TMTC2: variants seen among roughly 807,000 people sequenced by gnomAD.
TMTC2 encodes transmembrane O-mannosyltransferase targeting cadherins 2.
Under a neutral mutation model 82.4 loss-of-function variants are expected in TMTC2, and 43 were observed. The ratio of observed to expected loss-of-function variants is 0.52; its 90% CI spans 0.41 to 0.67. The LOEUF (loss-of-function observed/expected upper bound fraction) is 0.67. Among genes scored for constraint, TMTC2 ranks in the 30% least tolerant of loss-of-function variants. TMTC2 has a pLI of 0.00. For synonymous variants in TMTC2, 408 were observed against 381.9 expected, an observed-to-expected ratio of 1.07 and a Z score of -0.80; for missense variants, 919 against 1,012.4, an observed-to-expected ratio of 0.91 and a Z score of 1.25.
At chr12:82,723,728 G>T (rs1032708860) in intron 1 of TMTC2, among the ~76,000 whole-genome samples, 2 of 152,288 alleles carry the variant, frequency 1.3e-5, no homozygotes, top group African/African-American at 2.4e-5. Flanking sequence ...TAGATTTTCA[G>T]ATTTGGTATG....
rs78950373 is a variant in TMTC2, at chr12:83,009,359, T to C, written c.2071-21439T>C. ...AAGACTGTGGTCCTCAGGGTTTCTCTTTCTCCTGATAGTCTACCCTCAGCC... is the reference window on the plus strand; with the variant it reads ...AAGACTGTGGTCCTCAGGGTTTCTCCTTCTCCTGATAGTCTACCCTCAGCC... On this transcript the variant is annotated intron_variant, in intron 8 of 11. Transcript: ENST00000321196. Among the ~76,000 whole-genome samples the C allele has an allele frequency of 5.6e-4, 86 of 152,300 alleles. 1 individual carries two copies. The East Asian group carries it at 0.016, about 28-fold the overall frequency.
intron 11 of TMTC2, among the ~76,000 whole-genome samples, chr12:83,091,638 G>A (rs564720042): frequency 6.6e-6 from 1 of 152,216 alleles, no homozygotes; most frequent in African/African-American, 2.4e-5. Flanking sequence ...GGTAATAACA[G>A]GTATTTTCAT....
intron 8 of TMTC2, among the ~76,000 whole-genome samples, chr12:83,017,934 G>A (rs1592696687): frequency 1.4e-5 from 1 of 69,532 alleles, no homozygotes; most frequent in East Asian, 6.0e-4. Flanking sequence ...TCAGTACACT[G>A]GTAAATCATC....
chr12:82,939,221 G>C (rs937504330), intron 4 of TMTC2, among the ~76,000 whole-genome samples: 3 of 151,934 alleles, frequency 2.0e-5, no homozygotes, highest in Non-Finnish European at 4.4e-5. Flanking sequence ...ATTTTCTATT[G>C]TGTAGGCTTT....
intron 9 of TMTC2, among the ~76,000 whole-genome samples, chr12:83,031,234 G>A (rs1049374661): frequency 2.6e-5 from 4 of 152,026 alleles, no homozygotes; most frequent in East Asian, 1.9e-4. Context: ...AAGTGATAAC[G>A]TATTGCTCAT....
intron 8 of TMTC2, among the ~76,000 whole-genome samples, chr12:83,005,101 G>A (rs1032359488): frequency 2.0e-5 from 3 of 151,768 alleles, no homozygotes; most frequent in Non-Finnish European, 2.9e-5. Context: ...CTACTCCAGA[G>A]GCTGTGGCAG....
intron 1 of TMTC2, among the ~76,000 whole-genome samples, chr12:82,836,660 A>T (rs1393878911): frequency 6.6e-6 from 1 of 152,182 alleles, no homozygotes; most frequent in Non-Finnish European, 1.5e-5. Context: ...TAGAAATATA[A>T]TAAATTTGTG....
chr12:82,868,726 G>A (rs1396446319), intron 2 of TMTC2, among the ~76,000 whole-genome samples: 2 of 150,672 alleles, frequency 1.3e-5, no homozygotes, highest in Non-Finnish European at 3.0e-5. Flanking sequence ...AAAAAAAAAG[G>A]GAGGCACTAT....
chr12:83,017,370 A>C (rs1320772460), intron 8 of TMTC2, among the ~76,000 whole-genome samples: 1 of 152,226 alleles, frequency 6.6e-6, no homozygotes, highest in Non-Finnish European at 1.5e-5. Flanking sequence ...GGGCATAGAC[A>C]GAGCAGTTTC....
chr12:82,688,385 G>A (rs55783449), intron 1 of TMTC2, among the ~76,000 whole-genome samples: 1,543 of 152,224 alleles, frequency 0.01, 30 homozygotes, highest in African/African-American at 0.036. Flanking sequence ...AGAGACTGAA[G>A]TTGTCTTCTG....
At chr12:82,862,591 CTT>C (rs748857192) in intron 2 of TMTC2, among the ~76,000 whole-genome samples, 1 of 152,090 alleles carries the variant, frequency 6.6e-6, no homozygotes, top group Non-Finnish European at 1.5e-5. Context: ...TAGGTAATCT[CTT>C]TTTCTTAAAA....
intron 3 of TMTC2, among the ~76,000 whole-genome samples, chr12:82,909,153 G>C (rs181038965): frequency 6.6e-6 from 1 of 152,256 alleles, no homozygotes; most frequent in African/African-American, 2.4e-5. Flanking sequence ...TTTGTTGCTA[G>C]TTAAGTGATG....
At chr12:82,771,232 G>T (rs1057017304) in intron 1 of TMTC2, among the ~76,000 whole-genome samples, 2 of 148,234 alleles carry the variant, frequency 1.3e-5, no homozygotes, top group African/African-American at 2.5e-5. Context: ...AAAAGTTGTC[G>T]AATGCAAGCG....
intron 8 of TMTC2, among the ~76,000 whole-genome samples, chr12:82,994,705 T>C (rs547457713): frequency 2.1e-3 from 317 of 152,078 alleles, no homozygotes; most frequent in Non-Finnish European, 3.4e-3. Flanking sequence ...GAACTTTGTC[T>C]CTTTCTGTCT....
At chr12:83,100,241 C>A (rs181137710) in intron 11 of TMTC2, among the ~76,000 whole-genome samples, 1 of 152,032 alleles carries the variant, frequency 6.6e-6, no homozygotes. Flanking sequence ...TTTCAACCTG[C>A]GAGCACATCG....
chr12:83,070,309 C>T (rs138387185), intron 11 of TMTC2, among the ~76,000 whole-genome samples: 117 of 152,218 alleles, frequency 7.7e-4, no homozygotes, highest in Middle Eastern at 3.4e-3. Context: ...TGATTCTACC[C>T]ATCCATGAGC....
intron 11 of TMTC2, among the ~76,000 whole-genome samples, chr12:83,066,322 T>A (rs1882914074): frequency 6.6e-6 from 1 of 151,744 alleles, no homozygotes; most frequent in African/African-American, 2.4e-5. Context: ...TAAGTAAGGA[T>A]TTTAGCAAGA....
intron 11 of TMTC2, among the ~76,000 whole-genome samples, chr12:83,121,860 G>A (rs1317690343): frequency 6.6e-6 from 1 of 152,148 alleles, no homozygotes; most frequent in African/African-American, 2.4e-5. Flanking sequence ...GAGGTTCCCA[G>A]GTCAATGGAG....
chr12:82,927,672 T>C (rs961765384), intron 3 of TMTC2, among the ~76,000 whole-genome samples: 4 of 152,226 alleles, frequency 2.6e-5, no homozygotes, highest in Admixed American at 6.5e-5. Context: ...GACTTTATGT[T>C]GTCTTATTTT....
Sources: allele counts gnomAD v4.1 joint callset (sites outside exome capture counted in the v4.1 genomes callset), GRCh38; gene constraint gnomAD v4.1.1; transcripts MANE v1.5; gene names NCBI Gene and HGNC (gene_info 2026-07-23, HGNC 2026-07-21).